The following RYR2 variants were observed in gnomAD, a reference collection of about 807,000 sequenced individuals.
The protein encoded by RYR2 is ryanodine receptor 2.
A neutral mutation model predicts 601.1 loss-of-function variants in RYR2; 227 were observed. The observed-to-expected ratio is 0.38, with a 90% CI of 0.34 to 0.42. The LOEUF (loss-of-function observed/expected upper bound fraction) is 0.42. Ranked by LOEUF, RYR2 falls within the 10% of genes least tolerant of loss-of-function variation. The pLI is 1.00. For missense variants in RYR2, 4,646 were observed against 6,156.5 expected (o/e 0.75, Z 8.21); for synonymous variants, 2,223 against 2,175.1 (o/e 1.02, Z -0.61).
intron 12 of RYR2, among the ~76,000 whole-genome samples, chr1:237,429,809 T>C (rs1706602736): frequency 1.3e-5 from 2 of 152,112 alleles, no homozygotes; most frequent in African/African-American, 4.8e-5. Flanking sequence ...GAGGGTACTG[T>C]CTTAGAAAAA....
At chr1:237,513,004 T>C (rs1666066529) in intron 24 of RYR2, among the ~76,000 whole-genome samples, 1 of 152,198 alleles carries the variant, frequency 6.6e-6, no homozygotes, top group Admixed American at 6.5e-5. Flanking sequence ...CAGGTGATTC[T>C]CTGGCCCAGT....
intron 3 of RYR2, among the ~76,000 whole-genome samples, chr1:237,335,905 A>G (rs1399509317): frequency 6.6e-6 from 1 of 152,226 alleles, no homozygotes; most frequent in East Asian, 1.9e-4. Flanking sequence ...ATGTAATGTT[A>G]TAAATATTGT....
chr1:237,233,267 G>C (rs1408431857), intron 1 of RYR2, among the ~76,000 whole-genome samples: 1 of 152,196 alleles, frequency 6.6e-6, no homozygotes, highest in Non-Finnish European at 1.5e-5. Flanking sequence ...TGCCTAAAAA[G>C]GTGTTTATAC....
At chr1:237,627,350 A>G (rs1679782745) in intron 40 of RYR2, among the ~76,000 whole-genome samples, 1 of 152,238 alleles carries the variant, frequency 6.6e-6, no homozygotes, top group Non-Finnish European at 1.5e-5. Flanking sequence ...CACTAGTGCA[A>G]ATGACTCAAC....
intron 12 of RYR2, among the ~76,000 whole-genome samples, chr1:237,435,685 T>A (rs938009744): frequency 6.6e-6 from 1 of 152,214 alleles, no homozygotes; most frequent in African/African-American, 2.4e-5. Flanking sequence ...TTTGATAGTT[T>A]AGTTTTATTT....
chr1:237,148,482 G>A (rs1674259782), intron 1 of RYR2, among the ~76,000 whole-genome samples: 8 of 142,346 alleles, frequency 5.6e-5, no homozygotes, highest in African/African-American at 2.1e-4. Flanking sequence ...TAACAAACCT[G>A]TGCATTCTGC....
At chr1:237,616,029 G>T (rs578186779) in intron 37 of RYR2, among the ~76,000 whole-genome samples, 1 of 152,190 alleles carries the variant, frequency 6.6e-6, no homozygotes, top group Admixed American at 6.5e-5. Flanking sequence ...TAGGAAAATC[G>T]ATAAGGGAGG....
intron 80 of RYR2, 53 bp downstream of exon 80, chr1:237,742,402 C>T: frequency 8.2e-7 from 1 of 1,223,526 alleles, no homozygotes; most frequent in Non-Finnish European, 1.2e-6. Context: ...AACATTGTTT[C>T]ATAGCTTATA....
At chr1:237,270,887 T>C (rs571727947) in intron 2 of RYR2, among the ~76,000 whole-genome samples, 2 of 152,332 alleles carry the variant, frequency 1.3e-5, no homozygotes, top group East Asian at 1.9e-4. Flanking sequence ...ATCAGTGATA[T>C]AATTTGAAAA....
At chr1:237,176,273 A>T (rs1232335398) in intron 1 of RYR2, among the ~76,000 whole-genome samples, 3 of 45,592 alleles carry the variant, frequency 6.6e-5, no homozygotes, top group Non-Finnish European at 2.7e-4. Context: ...ATAAAAAATG[A>T]AATATATAAA....
intron 43 of RYR2, among the ~76,000 whole-genome samples, chr1:237,634,143 G>T (rs529971137): frequency 6.6e-6 from 1 of 152,090 alleles, no homozygotes; most frequent in African/African-American, 2.4e-5. Flanking sequence ...TCAGTATGTC[G>T]AAGAGATACG....
chr1:237,768,888 C>T (rs929793731), intron 84 of RYR2, among the ~76,000 whole-genome samples: 7 of 152,090 alleles, frequency 4.6e-5, no homozygotes, highest in African/African-American at 7.2e-5. Flanking sequence ...CATTGTTCTG[C>T]GATGTACGGT....
intron 87 of RYR2, among the ~76,000 whole-genome samples, chr1:237,778,448 T>G (rs577160111): frequency 2.8e-4 from 42 of 152,266 alleles, no homozygotes; most frequent in Admixed American, 2.4e-3. Context: ...AAACTTTTTT[T>G]GGAATATATT....
intron 80 of RYR2, among the ~76,000 whole-genome samples, chr1:237,745,581 C>T (rs1692001310): frequency 6.6e-6 from 1 of 152,106 alleles, no homozygotes; most frequent in Non-Finnish European, 1.5e-5. Flanking sequence ...AATTTAGTGA[C>T]ATTAGAAAGG....
At chr1:237,185,626 A>G (rs1179547644) in intron 1 of RYR2, among the ~76,000 whole-genome samples, 1 of 152,144 alleles carries the variant, frequency 6.6e-6, no homozygotes, top group African/African-American at 2.4e-5. Flanking sequence ...ACACACACAC[A>G]GAGGATAAGA....
intron 97 of RYR2, among the ~76,000 whole-genome samples, chr1:237,799,335 A>ATCCT (rs1033249085): frequency 6.6e-6 from 1 of 152,186 alleles, no homozygotes; most frequent in African/African-American, 2.4e-5. Flanking sequence ...ACATTTTCAG[A>ATCCT]TCCTTAACAA....
Position 237,128,121 on chromosome 1 carries a change from G to A in RYR2, c.48+85552G>A, listed in dbSNP as rs551364107. 2.2e-3 allele frequency among the ~76,000 whole-genome samples: 326 copies of A among 147,732 alleles called. 2 individuals are homozygous for A. The highest frequency in any genetic ancestry group is 7.2e-3 in the African/African-American group (270 of 37,726). ...TTGAGCACTGAGTGAACGAGACTCC[G>A]TCTGCAATCCCGGCACCTCGGGAGG... On this transcript the variant is annotated intron_variant, in intron 1 of 104. Transcript: ENST00000366574.
intron 1 of RYR2, among the ~76,000 whole-genome samples, chr1:237,228,933 A>G (rs913116154): frequency 6.6e-6 from 1 of 152,192 alleles, no homozygotes; most frequent in Non-Finnish European, 1.5e-5. Context: ...AAAAATAGTG[A>G]CAGCTAACAT....
intron 10 of RYR2, among the ~76,000 whole-genome samples, chr1:237,415,077 C>A (rs12404673): frequency 0.4 from 60,804 of 151,866 alleles, 13,306 homozygotes; most frequent in East Asian, 0.71. Context: ...TTGTAAACAT[C>A]CTGCCATGCA....
Sources: gnomAD v4.1 joint callset for allele counts (sites outside exome capture counted in the v4.1 genomes callset) on GRCh38, gnomAD v4.1.1 for gene constraint, MANE v1.5 for transcripts, NCBI Gene and HGNC (gene_info 2026-07-23, HGNC 2026-07-21) for gene names.